The following PAN3 variants were observed in gnomAD, a reference collection of about 807,000 sequenced individuals.
PAN3 encodes the protein poly(A) specific ribonuclease subunit PAN3.
In PAN3, 19 loss-of-function variants were observed where a neutral mutation model predicts 96.2. That is an observed-to-expected ratio of 0.20 (90% CI 0.14 to 0.29). PAN3 has a LOEUF of 0.29. PAN3 is among the 10% of genes least tolerant of loss of function. PAN3 has a pLI of 1.00. For missense variants in PAN3, 882 were observed against 1,108.1 expected, an observed-to-expected ratio of 0.80 and a Z score of 2.90; for synonymous variants, 433 against 406.6, an observed-to-expected ratio of 1.06 and a Z score of -0.78.
At chr13:28,239,604 A>G in intron 6 of PAN3, 1 of 1,289,574 alleles carries the variant, frequency 7.8e-7, no homozygotes, top group Non-Finnish European at 1.0e-6. Context: ...CTGAGTCAGC[A>G]CTGGACTTGA....
intron 5 of PAN3, among the ~76,000 whole-genome samples, chr13:28,216,910 G>A (rs1021223852): frequency 2.0e-5 from 3 of 151,872 alleles, no homozygotes; most frequent in Admixed American, 6.6e-5. Flanking sequence ...GAGGTCAGGA[G>A]TTCGAGACCA....
intron 18 of PAN3, among the ~76,000 whole-genome samples, chr13:28,289,837 G>A (rs1431683075): frequency 6.6e-6 from 1 of 152,162 alleles, no homozygotes; most frequent in Non-Finnish European, 1.5e-5. Context: ...AGCCGAGATT[G>A]GGCCACTGCA....
intron 1 of PAN3, among the ~76,000 whole-genome samples, chr13:28,156,548 T>C (rs35822513): frequency 0.29 from 44,532 of 152,110 alleles, 9,294 homozygotes; most frequent in African/African-American, 0.59. Context: ...GGATTCCTCC[T>C]TATCTCATTC....
intron 18 of PAN3, among the ~76,000 whole-genome samples, chr13:28,291,320 A>G (rs1254380945): frequency 6.6e-6 from 1 of 152,238 alleles, no homozygotes; most frequent in African/African-American, 2.4e-5. Context: ...AGACAAGTTG[A>G]TAGACTAAGG....
intron 4 of PAN3, among the ~76,000 whole-genome samples, chr13:28,189,269 G>A (rs1337736300): frequency 6.6e-6 from 1 of 152,186 alleles, no homozygotes; most frequent in Admixed American, 6.5e-5. Flanking sequence ...TGTAATCCCA[G>A]CACTTTGGGA....
At chr13:28,218,371 C>T (rs1426734004) in intron 5 of PAN3, among the ~76,000 whole-genome samples, 1 of 152,012 alleles carries the variant, frequency 6.6e-6, no homozygotes, top group African/African-American at 2.4e-5. Context: ...TCTTTAATCT[C>T]AAGTGCTCAC....
chr13:28,224,047 AT>A (rs1267946073), intron 6 of PAN3, among the ~76,000 whole-genome samples: 1 of 150,706 alleles, frequency 6.6e-6, no homozygotes, highest in African/African-American at 2.4e-5. Flanking sequence ...TTTTTTTTGT[AT>A]TTTTAGTAGA....
chr13:28,185,186 T>G (rs553315124), intron 4 of PAN3, among the ~76,000 whole-genome samples: 1 of 152,294 alleles, frequency 6.6e-6, no homozygotes, highest in African/African-American at 2.4e-5. Context: ...CTCTTTTCTC[T>G]GCTTTTTAAC....
At chr13:28,171,329 C>T (rs1262884734) in intron 1 of PAN3, among the ~76,000 whole-genome samples, 1 of 152,048 alleles carries the variant, frequency 6.6e-6, no homozygotes, top group Non-Finnish European at 1.5e-5. Flanking sequence ...AGTTTTTTTC[C>T]CACACCAGCC....
At chr13:28,141,474 T>C (rs1163220478) in intron 1 of PAN3, among the ~76,000 whole-genome samples, 1 of 142,494 alleles carries the variant, frequency 7.0e-6, no homozygotes, top group African/African-American at 2.6e-5. Context: ...TTTTTTTTTT[T>C]TTTTTTTTTT....
chr13:28,144,717 T>TCATC (rs34879522), intron 1 of PAN3, among the ~76,000 whole-genome samples: 4 of 115,870 alleles, frequency 3.5e-5, no homozygotes, highest in Non-Finnish European at 6.8e-5. Context: ...CAAAACATCA[T>TCATC]CTTTTTTTTT....
intron 10 of PAN3, 77 bp from the exon 11 acceptor site, chr13:28,267,018 C>G: frequency 7.2e-7 from 1 of 1,390,354 alleles, no homozygotes; most frequent in Non-Finnish European, 9.8e-7. Context: ...ATAAATATGG[C>G]AATTTTTTTC....
At chr13:28,159,500 T>C (rs1307119539) in intron 1 of PAN3, among the ~76,000 whole-genome samples, 1 of 152,150 alleles carries the variant, frequency 6.6e-6, no homozygotes, top group Non-Finnish European at 1.5e-5. Flanking sequence ...CAGGCTGGAG[T>C]GCAATGGCAC....
At chr13:28,220,781 A>G (rs1026738135) in intron 6 of PAN3, among the ~76,000 whole-genome samples, 1 of 152,136 alleles carries the variant, frequency 6.6e-6, no homozygotes, top group Non-Finnish European at 1.5e-5. Flanking sequence ...CTAAAAAATA[A>G]TTTAATCATT....
chr13:28,271,551 C>CCT (rs1407597517), intron 13 of PAN3, among the ~76,000 whole-genome samples: 1 of 152,174 alleles, frequency 6.6e-6, no homozygotes, highest in Non-Finnish European at 1.5e-5. Context: ...TAACTCCATT[C>CCT]TGCTTATTTA....
chr13:28,240,207 T>G (rs1452217580), intron 6 of PAN3, among the ~76,000 whole-genome samples: 1 of 152,110 alleles, frequency 6.6e-6, no homozygotes, highest in Non-Finnish European at 1.5e-5. Context: ...TACAGGCTTT[T>G]AAAAATCAAT....
chr13:28,270,669 G>A (rs1340008939), intron 12 of PAN3, 32 bp from the exon 13 acceptor site: 1 of 1,596,278 alleles, frequency 6.3e-7, no homozygotes, highest in African/African-American at 1.3e-5. Flanking sequence ...GATTACTTAA[G>A]ATGTCATTTT....
At chr13:28,183,399 TC>T (rs905718653) in intron 4 of PAN3, among the ~76,000 whole-genome samples, 1 of 152,208 alleles carries the variant, frequency 6.6e-6, no homozygotes, top group African/African-American at 2.4e-5. Flanking sequence ...ATTAATGCCC[TC>T]AGAACTATTA....
chr13:28,238,086 C>CT (rs1430675986), intron 6 of PAN3, among the ~76,000 whole-genome samples: 2 of 152,162 alleles, frequency 1.3e-5, no homozygotes, highest in Non-Finnish European at 2.9e-5. Context: ...CGAGGCACTG[C>CT]TGGAAGCCTA....
Sources: gnomAD v4.1 joint callset for allele counts (sites outside exome capture counted in the v4.1 genomes callset) on GRCh38, gnomAD v4.1.1 for gene constraint, MANE v1.5 for transcripts, NCBI Gene and HGNC (gene_info 2026-07-23, HGNC 2026-07-21) for gene names.